MCPH1: variants seen among roughly 807,000 people sequenced by gnomAD.
MCPH1 encodes the protein microcephalin 1.
MCPH1 carries 104 observed loss-of-function variants against 84.5 expected under a neutral mutation model. The ratio of observed to expected loss-of-function variants is 1.23; its 90% CI spans 1.05 to 1.45. MCPH1 has a LOEUF of 1.45. Among genes scored for constraint, MCPH1 ranks in the 40% most tolerant of loss-of-function variants. The pLI is 0.00. For missense variants in MCPH1, 1,498 were observed against 1,005.7 expected, an observed-to-expected ratio of 1.49 and a Z score of -6.62; for synonymous variants, 514 against 366.8, an observed-to-expected ratio of 1.40 and a Z score of -4.58.
chr8:6,564,069 C>A (rs1825922872), intron 12 of MCPH1, among the ~76,000 whole-genome samples: 1 of 151,642 alleles, frequency 6.6e-6, no homozygotes. Flanking sequence ...GCAACCTCCG[C>A]CTTCCGGGTT....
intron 12 of MCPH1, among the ~76,000 whole-genome samples, chr8:6,566,675 G>T (rs1289255169): frequency 6.6e-6 from 1 of 151,868 alleles, no homozygotes; most frequent in African/African-American, 2.4e-5. Flanking sequence ...TGTGTGATTG[G>T]CAAGGCCATG....
intron 12 of MCPH1, among the ~76,000 whole-genome samples, chr8:6,512,476 A>T (rs1815353195): frequency 6.6e-6 from 1 of 151,996 alleles, no homozygotes; most frequent in African/African-American, 2.4e-5. Flanking sequence ...CTAATTTCTG[A>T]CCTCAAAGTG....
chr8:6,490,388 G>A (rs901098722), intron 11 of MCPH1, among the ~76,000 whole-genome samples: 1 of 152,110 alleles, frequency 6.6e-6, no homozygotes, highest in Non-Finnish European at 1.5e-5. Context: ...GTTCCTCAGG[G>A]ACTTTGGGGA....
intron 11 of MCPH1, among the ~76,000 whole-genome samples, chr8:6,491,089 T>G (rs1307502208): frequency 6.6e-6 from 1 of 151,028 alleles, no homozygotes; most frequent in Non-Finnish European, 1.5e-5. Flanking sequence ...TTTTGAAGCA[T>G]TGGTTTTATT....
At chr8:6,571,148 G>A (rs1295134930) in intron 12 of MCPH1, among the ~76,000 whole-genome samples, 1 of 152,104 alleles carries the variant, frequency 6.6e-6, no homozygotes, top group Non-Finnish European at 1.5e-5. Flanking sequence ...CAAGATAGAA[G>A]TCACAACATT....
At chr8:6,411,321 T>C (rs142281064) in intron 2 of MCPH1, among the ~76,000 whole-genome samples, 2 of 152,290 alleles carry the variant, frequency 1.3e-5, no homozygotes, top group East Asian at 3.9e-4. Context: ...GTGAAGGTTA[T>C]AGCATTTAGT....
chr8:6,574,020 C>T (rs1381871050), intron 12 of MCPH1, among the ~76,000 whole-genome samples: 1 of 152,096 alleles, frequency 6.6e-6, no homozygotes, highest in African/African-American at 2.4e-5. Flanking sequence ...TACAATTTCC[C>T]AAGAATAATG....
chr8:6,509,797 G>T (rs749136000), intron 12 of MCPH1, among the ~76,000 whole-genome samples: 1 of 152,136 alleles, frequency 6.6e-6, no homozygotes, highest in Non-Finnish European at 1.5e-5. Context: ...CCTTAAATGT[G>T]CTCGGAACAC....
chr8:6,488,856 G>C (rs555496670), intron 11 of MCPH1, among the ~76,000 whole-genome samples: 1 of 151,336 alleles, frequency 6.6e-6, no homozygotes, highest in South Asian at 2.1e-4. Flanking sequence ...GGGTCATCGA[G>C]GTGAAAAATG....
At chr8:6,464,999 G>A (rs546754206) in intron 9 of MCPH1, among the ~76,000 whole-genome samples, 15,310 of 138,252 alleles carry the variant, frequency 0.11, 874 homozygotes, top group Middle Eastern at 0.25. Flanking sequence ...TTCCATCTCA[G>A]AAAAAAAAAA....
intron 13 of MCPH1, among the ~76,000 whole-genome samples, chr8:6,629,500 C>G (rs573601388): frequency 2.6e-5 from 4 of 152,062 alleles, no homozygotes; most frequent in Non-Finnish European, 5.9e-5. Flanking sequence ...CAAAGAAACA[C>G]CAAAGATATT....
At chr8:6,488,273 G>A (rs947515076) in intron 11 of MCPH1, among the ~76,000 whole-genome samples, 1 of 152,204 alleles carries the variant, frequency 6.6e-6, no homozygotes, top group African/African-American at 2.4e-5. Flanking sequence ...GGTTGGAGCC[G>A]CTGTGCTTCC....
chr8:6,444,505 T>A lies in MCPH1; in HGVS notation c.783T>A (p.Asp261Glu), dbSNP rs199700538. The stretch of plus-strand genomic sequence containing the variant: ...GATCCATTAATGACATTAAAAGTGA[T>A]GTGTGTATTTCTTCACTTGTATTGA... Reference protein sequence around the residue: ...LEGSINDIKSDVCISSLVLKA... With the variant: ...LEGSINDIKSEVCISSLVLKA... Residue 261 changes from aspartate (D) to glutamate (E), a missense_variant, in exon 8 of 14, where the codon GAT becomes GAA. Coordinates refer to ENST00000344683, the MANE Select transcript of MCPH1 (RefSeq NM_024596.5). The A allele has an allele frequency of 5.0e-4, 808 of 1,614,176 alleles. 5 individuals carry two copies. The Middle Eastern group carries it at 5.9e-3, about 12-fold the overall frequency.
At chr8:6,622,110 C>G (rs1210581111) in intron 13 of MCPH1, 2 of 319,666 alleles carry the variant, frequency 6.3e-6, no homozygotes, top group South Asian at 5.7e-5. Flanking sequence ...GTCATCTCCT[C>G]TCCCAGGTAC....
intron 12 of MCPH1, among the ~76,000 whole-genome samples, chr8:6,608,263 GC>G (rs1829957041): frequency 6.6e-6 from 1 of 152,268 alleles, no homozygotes; most frequent in Non-Finnish European, 1.5e-5. Context: ...TGGCAGGGGG[GC>G]TGAGCAGGTG....
At chr8:6,578,581 T>C (rs1301438669) in intron 12 of MCPH1, among the ~76,000 whole-genome samples, 1 of 152,222 alleles carries the variant, frequency 6.6e-6, no homozygotes, top group African/African-American at 2.4e-5. Context: ...GAGCAGAATA[T>C]TTCATTGCTA....
At position 6,431,490 on chromosome 8, in the gene MCPH1, A is replaced by G; in HGVS notation, c.234-9A>G. The G allele has an allele frequency of 6.2e-7, 1 of 1,608,912 alleles. No individual in the cohort carries two copies. The highest frequency in any genetic ancestry group is 1.1e-5 in the South Asian group (1 of 90,896). On this transcript the variant is annotated splice_polypyrimidine_tract_variant and intron_variant, in intron 3 of 13. Coordinates refer to ENST00000344683, the MANE Select transcript of MCPH1 (RefSeq NM_024596.5). ...ATACTCATTAGACTACCTTAATTTA[A>G]TTATACAGATGCAGGACAGCTGGAG...
At chr8:6,447,366 C>G (rs1234473478) in intron 8 of MCPH1, 2 of 985,172 alleles carry the variant, frequency 2.0e-6, no homozygotes, top group African/African-American at 3.5e-5. Flanking sequence ...AACTGTACCT[C>G]CAAATCTTTA....
At chr8:6,500,220 G>T in intron 12 of MCPH1, 1 of 403,486 alleles carries the variant, frequency 2.5e-6, no homozygotes, top group South Asian at 2.3e-5. Flanking sequence ...TTCTTGGGCA[G>T]GTAGTCTTAT....
Sources: allele counts gnomAD v4.1 joint callset (sites outside exome capture counted in the v4.1 genomes callset), GRCh38; gene constraint gnomAD v4.1.1; transcripts MANE v1.5; gene names NCBI Gene and HGNC (gene_info 2026-07-23, HGNC 2026-07-21).